Variants in FAM13C observed in about 807,000 individuals in gnomAD.
FAM13C encodes the protein protein FAM13C.
In FAM13C, 37 loss-of-function variants were observed where a neutral mutation model predicts 73.2. That is an observed-to-expected ratio of 0.51 (90% CI 0.39 to 0.67). The LOEUF (loss-of-function observed/expected upper bound fraction) is 0.67. Among genes scored for constraint, FAM13C ranks in the 30% least tolerant of loss-of-function variants. The pLI is 0.00. For missense variants in FAM13C, 589 were observed against 715.6 expected (o/e 0.82, Z 2.02); for synonymous variants, 246 against 260.9 (o/e 0.94, Z 0.55).
At chr10:59,353,743 G>A (rs1855365465) in intron 2 of FAM13C, among the ~76,000 whole-genome samples, 1 of 152,150 alleles carries the variant, frequency 6.6e-6, no homozygotes, top group African/African-American at 2.4e-5. Flanking sequence ...GGTGCAGTTG[G>A]ACAAGATATA....
chr10:59,255,068 T>G (rs1841822676), intron 10 of FAM13C, among the ~76,000 whole-genome samples: 1 of 152,160 alleles, frequency 6.6e-6, no homozygotes, highest in Non-Finnish European at 1.5e-5. Context: ...ATCCAGACAT[T>G]GATTTTTCTT....
intron 1 of FAM13C, 25 bp downstream of exon 1, chr10:59,362,374 A>C (rs756942112): frequency 8.7e-6 from 14 of 1,612,646 alleles, no homozygotes; most frequent in Admixed American, 3.3e-5. Context: ...ATGCAAGTCT[A>C]ATTTTAATGG....
chr10:59,269,058 T>C (rs1401439255), intron 7 of FAM13C, among the ~76,000 whole-genome samples: 1 of 152,182 alleles, frequency 6.6e-6, no homozygotes, highest in Non-Finnish European at 1.5e-5. Flanking sequence ...AGATGAGTGG[T>C]TAACTTTTCT....
chr10:59,303,353 C>T (rs749770088), intron 4 of FAM13C, among the ~76,000 whole-genome samples: 2 of 152,174 alleles, frequency 1.3e-5, no homozygotes, highest in Non-Finnish European at 1.5e-5. Flanking sequence ...GCACTTCCTC[C>T]TATTGAAATT....
chr10:59,286,889 C>G (rs1440900738), intron 5 of FAM13C, among the ~76,000 whole-genome samples: 1 of 151,170 alleles, frequency 6.6e-6, no homozygotes, highest in African/African-American at 2.4e-5. Context: ...CCAAAATTAA[C>G]CGGGTGTGGT....
chr10:59,322,397 AGAAAGCTCAATTCTGT>A (rs1359314504), intron 4 of FAM13C, among the ~76,000 whole-genome samples: 2 of 152,258 alleles, frequency 1.3e-5, no homozygotes, highest in African/African-American at 4.8e-5. Context: ...TTGCTAGGTC[AGAAAGCTCAATTCTGT>A]GAAAGTGGGA....
At chr10:59,269,020 T>C (rs1843396905) in intron 7 of FAM13C, among the ~76,000 whole-genome samples, 1 of 152,164 alleles carries the variant, frequency 6.6e-6, no homozygotes, top group Non-Finnish European at 1.5e-5. Flanking sequence ...GCCCAAGCCA[T>C]ACCTACCAAC....
intron 1 of FAM13C, among the ~76,000 whole-genome samples, chr10:59,359,357 G>A (rs537449159): frequency 1.3e-5 from 2 of 152,342 alleles, no homozygotes; most frequent in African/African-American, 4.8e-5. Flanking sequence ...CCATTTCTTA[G>A]AATAATGGTG....
At chr10:59,344,428 G>A (rs1242009297) in intron 3 of FAM13C, among the ~76,000 whole-genome samples, 3 of 145,316 alleles carry the variant, frequency 2.1e-5, no homozygotes, top group African/African-American at 7.6e-5. Flanking sequence ...ACAGGCGCCC[G>A]CCACCACGCA....
chr10:59,342,575 C>CTAT (rs1853655148), intron 3 of FAM13C, among the ~76,000 whole-genome samples: 1 of 151,924 alleles, frequency 6.6e-6, no homozygotes, highest in African/African-American at 2.4e-5. Flanking sequence ...GTAAGTATAC[C>CTAT]CCATGCAATA....
chr10:59,312,927 C>T (rs1026321464), intron 4 of FAM13C, among the ~76,000 whole-genome samples: 1 of 152,192 alleles, frequency 6.6e-6, no homozygotes, highest in Admixed American at 6.5e-5. Context: ...CCCATGCCCC[C>T]ATGTCACCCA....
chr10:59,320,857 T>C (rs1230029870), intron 4 of FAM13C, among the ~76,000 whole-genome samples: 1 of 152,214 alleles, frequency 6.6e-6, no homozygotes, highest in Non-Finnish European at 1.5e-5. Flanking sequence ...AGAGAAACCT[T>C]TAGGCTGAAC....
intron 5 of FAM13C, among the ~76,000 whole-genome samples, chr10:59,286,677 T>G (rs1393256868): frequency 1.3e-5 from 2 of 151,248 alleles, no homozygotes; most frequent in South Asian, 2.1e-4. Flanking sequence ...TGGAGATGGA[T>G]GGTAGTGATG....
intron 5 of FAM13C, chr10:59,297,086 G>A (rs1291628622): frequency 2.0e-5 from 3 of 152,190 alleles, no homozygotes; most frequent in African/African-American, 7.2e-5. Context: ...GGAACGCGAA[G>A]CATGTGGGAG....
At chr10:59,332,733 C>A (rs56010907) in intron 3 of FAM13C, among the ~76,000 whole-genome samples, 1 of 152,118 alleles carries the variant, frequency 6.6e-6, no homozygotes, top group African/African-American at 2.4e-5. Flanking sequence ...TTAAATGGAA[C>A]AACTGGAGCA....
intron 4 of FAM13C, among the ~76,000 whole-genome samples, chr10:59,317,796 A>G (rs540743052): frequency 1.3e-5 from 2 of 151,846 alleles, no homozygotes; most frequent in African/African-American, 4.8e-5. Context: ...CACAATGTGC[A>G]GGTTAGTTAC....
intron 5 of FAM13C, 129 bp from the exon 6 acceptor site, chr10:59,283,576 G>T (rs773892485): frequency 3.4e-6 from 3 of 871,334 alleles, no homozygotes; most frequent in African/African-American, 1.6e-5. Flanking sequence ...TGTGTCCGCA[G>T]CTCCCGCAAG....
In FAM13C at chr10:59,262,613, T is replaced by G. The variant is rs774691934; in HGVS notation, c.1057A>C (p.Ser353Arg). The G allele has an allele frequency of 8.7e-6, 14 of 1,613,702 alleles. No homozygotes were observed. The highest frequency in any genetic ancestry group is 1.2e-5 in the Non-Finnish European group (14 of 1,179,704). The change falls in exon 10 of 14, where the codon AGT becomes CGT. Residue 353 changes from serine to arginine, a missense_variant. Transcript: ENST00000618804. The part of the protein sequence containing the change: ...LKLKLSEEQG[S>R]APKGPPRNLL... Reference sequence around the variant, plus strand: ...TTTCTAGGTGGACCTTTGGGAGCACTCCCTTGTTCTTCTGACAGCTTTAGC... The same window carrying G: ...TTTCTAGGTGGACCTTTGGGAGCACGCCCTTGTTCTTCTGACAGCTTTAGC...
At chr10:59,333,824 A>C (rs1317185718) in intron 3 of FAM13C, among the ~76,000 whole-genome samples, 1 of 152,192 alleles carries the variant, frequency 6.6e-6, no homozygotes, top group African/African-American at 2.4e-5. Flanking sequence ...AAGCTGCTGC[A>C]CTAATGCCAC....
Sources: allele counts gnomAD v4.1 joint callset (sites outside exome capture counted in the v4.1 genomes callset), GRCh38; gene constraint gnomAD v4.1.1; transcripts MANE v1.5; gene names NCBI Gene and HGNC (gene_info 2026-07-23, HGNC 2026-07-21).